The following MGLL variants were observed in gnomAD, a reference collection of about 807,000 sequenced individuals.
The protein encoded by MGLL is lysophospholipase homolog.
MGLL carries 7 observed loss-of-function variants against 29.1 expected under a neutral mutation model. The observed-to-expected ratio is 0.24, with a 90% CI of 0.14 to 0.45. The LOEUF (loss-of-function observed/expected upper bound fraction) is 0.45, where lower values mean the gene tolerates loss of function less well. MGLL is among the 20% of genes least tolerant of loss of function. The pLI is 0.99. For synonymous variants in MGLL, 148 were observed against 168.3 expected, an observed-to-expected ratio of 0.88 and a Z score of 0.93; for missense variants, 356 against 413.6, an observed-to-expected ratio of 0.86 and a Z score of 1.21.
At chr3:127,777,674 G>A (rs1174399317) in intron 3 of MGLL, among the ~76,000 whole-genome samples, 1 of 125,664 alleles carries the variant, frequency 8.0e-6, no homozygotes, top group Admixed American at 8.7e-5. Flanking sequence ...GGGCACTGAT[G>A]GTGCCATGGA....
In MGLL at chr3:127,722,467, T is replaced by C. The variant is rs765489619; in HGVS notation, c.362A>G (p.Tyr121Cys). 2.5e-6 allele frequency: 4 copies of C among 1,614,058 alleles called. No homozygotes were observed. The highest frequency in any genetic ancestry group is 2.2e-5 in the South Asian group (2 of 91,082). ...LQHVDSMQKD[Y>C]PGLPVFLLGH... ...CAGAAGGAAGACAGGAAGCCCAGGG[T>C]AGTCTTTCTGCATGGAATCCACATG... is the stretch of plus-strand genomic sequence containing the variant. Residue 121 changes from tyrosine to cysteine, a missense_variant, in exon 4 of 8, where the codon TAC (tyrosine) becomes TGC (cysteine). Transcript: ENST00000265052.
intron 3 of MGLL, among the ~76,000 whole-genome samples, chr3:127,739,392 T>C (rs2076296782): frequency 6.6e-6 from 1 of 152,180 alleles, no homozygotes; most frequent in African/African-American, 2.4e-5. Context: ...ATATTGGTTG[T>C]AGAAATAAGA....
intron 3 of MGLL, among the ~76,000 whole-genome samples, chr3:127,741,823 A>G (rs903389668): frequency 6.6e-6 from 1 of 152,220 alleles, no homozygotes; most frequent in African/African-American, 2.4e-5. Flanking sequence ...TCTTGGTTAG[A>G]TGCTGGGGGC....
intron 3 of MGLL, among the ~76,000 whole-genome samples, chr3:127,744,343 A>T (rs1012282977): frequency 2.6e-5 from 4 of 152,164 alleles, no homozygotes; most frequent in African/African-American, 9.7e-5. Flanking sequence ...CTTTTGTATC[A>T]CGCTGCGGGA....
chr3:127,785,614 G>A (rs997975362), intron 2 of MGLL, among the ~76,000 whole-genome samples: 7 of 152,258 alleles, frequency 4.6e-5, no homozygotes, highest in South Asian at 2.1e-4. Flanking sequence ...GTGTGACCAC[G>A]CAGGACCCTG....
rs1348484868 is a variant in MGLL at position 127,694,968 on chromosome 3, C to A, written c.816+7G>T. 6.2e-6 allele frequency: 10 copies of A among 1,613,266 alleles called. No individual in the cohort carries two copies. Among genetic ancestry groups the A allele is most frequent in the Non-Finnish European group, 6.8e-6 (8 of 1,179,772 alleles). On this transcript the variant is annotated splice_region_variant and intron_variant, in intron 7 of 7. Coordinates refer to ENST00000265052, the MANE Select transcript of MGLL (RefSeq NM_007283.7). ...TGGGGGGAAGTGGGCAAGTGGCAGC[C>A]GCTCACCTTGAGAGTCTTGTCCTGG...
intron 3 of MGLL, among the ~76,000 whole-genome samples, chr3:127,747,329 G>A (rs2076466880): frequency 6.6e-6 from 1 of 152,042 alleles, no homozygotes; most frequent in Admixed American, 6.5e-5. Flanking sequence ...GAACATCTGC[G>A]TGTCTTGTCT....
intron 5 of MGLL, 47 bp downstream of exon 5, chr3:127,721,006 G>A (rs2107621904): frequency 6.6e-7 from 1 of 1,520,640 alleles, no homozygotes. Flanking sequence ...GAAGACCCAT[G>A]TCCCGGGGAA....
Position 127,721,093 on chromosome 3 carries a change from G to A in MGLL, c.470C>T (p.Pro157Leu). ...GHFAGMVLIS[P>L]LVLANPESAT... is the part of the protein sequence containing the mutation. ...AGATTCAGGATTGGCAAGAACCAGA[G>A]GCGAAATGAGTACCATGCCGGCGAA... The change falls in exon 5 of 8, where the codon CCT becomes CTT. Residue 157 changes from proline to leucine, a missense_variant. By Grantham distance (98) the Pro-to-Leu change is moderately conservative. Coordinates refer to ENST00000265052, the MANE Select transcript of MGLL (RefSeq NM_007283.7). 1 of 1,614,258 alleles carries A rather than the reference G, an allele frequency of 6.2e-7. No individual in the cohort carries two copies. The highest frequency in any genetic ancestry group is 8.5e-7 in the Non-Finnish European group (1 of 1,180,046).
At position 127,710,587 on chromosome 3, in the gene MGLL, T is replaced by G; in HGVS notation, c.589A>C (p.Asn197His). Residue 197 changes from asparagine to histidine, a missense_variant, in exon 6 of 8, where the codon AAT (asparagine) becomes CAT (histidine). Physicochemically the swap from Asn to His is moderately conservative, Grantham distance 68. Transcript: ENST00000265052. ...GPIDSSVLSR[N>H]KTEVDIYNSD... ...GGAAAGCCTCTCACCTCTGTCTTAT[T>G]CCGAGAGAGCACGCTGGAGTCGATG... The G allele has an allele frequency of 6.4e-7, 1 of 1,561,522 alleles. No homozygotes were observed. The highest frequency in any genetic ancestry group is 8.7e-7 in the Non-Finnish European group (1 of 1,151,682).
intron 2 of MGLL, among the ~76,000 whole-genome samples, chr3:127,810,686 C>A (rs1274638882): frequency 6.6e-6 from 1 of 152,210 alleles, no homozygotes; most frequent in Non-Finnish European, 1.5e-5. Context: ...CTGGCATACA[C>A]GAGGTGTTCA....
Position 127,761,234 on chromosome 3 carries a change from C to T in MGLL, c.262+20555G>A, listed in dbSNP as rs981490513. Among the ~76,000 whole-genome samples the T allele has an allele frequency of 2.0e-5, 3 of 152,202 alleles. No individual in the cohort carries two copies. Among genetic ancestry groups the T allele is most frequent in the African/African-American group, 7.2e-5 (3 of 41,450 alleles). On this transcript the variant is annotated intron_variant, in intron 3 of 7. Coordinates refer to ENST00000265052, the MANE Select transcript of MGLL (RefSeq NM_007283.7). The surrounding 1 kb of genome is among the most constrained non-coding windows in gnomAD (Gnocchi z 4.6). Reference sequence around the variant, plus strand: ...CCCTTCGCACTATCAAGGGGCCCACCGCCTGGGAGGGATTTCTGGGGTGCT... The same window carrying T: ...CCCTTCGCACTATCAAGGGGCCCACTGCCTGGGAGGGATTTCTGGGGTGCT...
chr3:127,750,660 A>T (rs1426871228), intron 3 of MGLL, among the ~76,000 whole-genome samples: 1 of 152,058 alleles, frequency 6.6e-6, no homozygotes, highest in East Asian at 1.9e-4. Flanking sequence ...CACTGAAAGG[A>T]TATGCCACAA....
At chr3:127,822,686 CG>C (rs1232167313), upstream of MGLL, 2 of 295,102 alleles carry the variant, frequency 6.8e-6, no homozygotes, top group African/African-American at 2.2e-5. Flanking sequence ...CGCACAAATG[CG>C]GGTGCCCAAG....
chr3:127,717,996 C>T (rs967185870), intron 5 of MGLL, among the ~76,000 whole-genome samples: 1 of 152,234 alleles, frequency 6.6e-6, no homozygotes, highest in Admixed American at 6.5e-5. Context: ...TGCGAAACCA[C>T]TTTCTCAGCA....
At chr3:127,798,177 C>T (rs1483088044) in intron 2 of MGLL, among the ~76,000 whole-genome samples, 1 of 152,242 alleles carries the variant, frequency 6.6e-6, no homozygotes, top group Non-Finnish European at 1.5e-5. Flanking sequence ...GCATACCTTT[C>T]TCCCTGCAGG....
intron 3 of MGLL, among the ~76,000 whole-genome samples, chr3:127,726,465 A>C (rs1668784154): frequency 6.6e-6 from 1 of 152,042 alleles, no homozygotes; most frequent in African/African-American, 2.4e-5. Flanking sequence ...TTTTAGTAGG[A>C]GTCTCACTCT....
chr3:127,821,136 T>C (rs958340125), intron 2 of MGLL, among the ~76,000 whole-genome samples: 3 of 152,226 alleles, frequency 2.0e-5, no homozygotes, highest in African/African-American at 7.2e-5. Flanking sequence ...CCAGCTGTCT[T>C]GTGTATAGTC....
chr3:127,731,801 T>C (rs1325005668), intron 3 of MGLL, among the ~76,000 whole-genome samples: 2 of 152,242 alleles, frequency 1.3e-5, no homozygotes, highest in Non-Finnish European at 2.9e-5. Flanking sequence ...TGCCATCTGT[T>C]TCTAGGGACC....
Sources: gnomAD v4.1 joint callset for allele counts (sites outside exome capture counted in the v4.1 genomes callset) on GRCh38, gnomAD v4.1.1 for gene constraint, Gnocchi (gnomAD v3.1) non-coding constraint, MANE v1.5 for transcripts, NCBI Gene and HGNC (gene_info 2026-07-23, HGNC 2026-07-21) for gene names.